Variants in CYP2C19 observed in about 807,000 individuals in gnomAD.
CYP2C19 encodes cytochrome P450 2C19.
A neutral mutation model predicts 40.9 loss-of-function variants in CYP2C19; 59 were observed. The ratio of observed to expected loss-of-function variants is 1.44; its 90% CI spans 1.17 to 1.79. CYP2C19 has a LOEUF of 1.79. Among genes scored for constraint, CYP2C19 ranks in the 40% most tolerant of loss-of-function variants. CYP2C19 has a pLI of 0.00. For synonymous variants in CYP2C19, 253 were observed against 208.7 expected (o/e 1.21, Z -1.83); for missense variants, 754 against 596.9 (o/e 1.26, Z -2.74).
intron 5 of CYP2C19, among the ~76,000 whole-genome samples, chr10:94,812,266 C>A (rs901991842): frequency 1.3e-5 from 2 of 152,184 alleles, no homozygotes; most frequent in South Asian, 4.1e-4. Context: ...ACAGGCTTCC[C>A]TTGGTGGTAA....
chr10:94,775,136 G>A lies in CYP2C19; in HGVS notation c.247G>A (p.Val83Met). ...GGTGGTGCTGCATGGATATGAAGTG[G>A]TGAAGGAAGCCCTGATTGATCTTGG... is the stretch of plus-strand genomic sequence containing the variant. ...RMVVLHGYEV[V>M]KEALIDLGEE... The change falls in exon 2 of 9, where the codon GTG becomes ATG. Residue 83 changes from valine (V) to methionine (M), a missense_variant. Physicochemically the swap from Val to Met is conservative, Grantham distance 21 (BLOSUM62 1). Coordinates refer to ENST00000371321, the MANE Select transcript of CYP2C19 (RefSeq NM_000769.4). 6.2e-7 allele frequency: 1 copy of A among 1,614,120 alleles called. No individual in the cohort carries two copies. The highest frequency in any genetic ancestry group is 1.7e-5 in the Admixed American group (1 of 60,028).
chr10:94,768,444 T>C lies in CYP2C19; in HGVS notation c.168+5571T>C, dbSNP rs747469074. Among the ~76,000 whole-genome samples, 60 of 152,314 alleles carry C rather than the reference T, an allele frequency of 3.9e-4. 1 individual carries two copies. Among genetic ancestry groups the C allele is most frequent in the South Asian group, 6.2e-4 (3 of 4,828 alleles). On this transcript the variant is annotated intron_variant, in intron 1 of 8. Transcript: ENST00000371321. ...GACTATAATTTGTTGGCAGTCATGA[T>C]ACCTTGGTTCCCCATCCTCTGGGAG...
At chr10:94,787,444 T>A (rs1344631142) in intron 5 of CYP2C19, among the ~76,000 whole-genome samples, 1 of 152,100 alleles carries the variant, frequency 6.6e-6, no homozygotes, top group Non-Finnish European at 1.5e-5. Context: ...ATTCTGTAGG[T>A]TGTCTGTTTA....
At chr10:94,847,061 TTTTATTTA>T (rs951776021) in intron 7 of CYP2C19, among the ~76,000 whole-genome samples, 1 of 151,372 alleles carries the variant, frequency 6.6e-6, no homozygotes, top group African/African-American at 2.4e-5. Context: ...TTCAACTTTA[TTTTATTTA>T]TTTATTTATT....
At chr10:94,797,009 C>T (rs180839574) in intron 5 of CYP2C19, among the ~76,000 whole-genome samples, 10 of 152,136 alleles carry the variant, frequency 6.6e-5, no homozygotes, top group Admixed American at 2.6e-4. Flanking sequence ...ATTGCCCCGG[C>T]GAGAACTTCC....
rs985193343 is a variant in CYP2C19, at chr10:94,814,018, C to T, written c.820-6478C>T. ...TTCTTCACAGCACATTCCCTCAAGG[C>T]TTTCCTTGGCTATGGGAGGGAGTTC... is the stretch of plus-strand genomic sequence containing the variant. On this transcript the variant is annotated intron_variant, in intron 5 of 8. Transcript: ENST00000371321. Among the ~76,000 whole-genome samples, 8 of 150,914 alleles carry T rather than the reference C, an allele frequency of 5.3e-5. No homozygotes were observed. In the East Asian group the frequency reaches 1.6e-3, roughly 30 times the overall value.
intron 5 of CYP2C19, among the ~76,000 whole-genome samples, chr10:94,808,670 A>C (rs1848870208): frequency 6.6e-6 from 1 of 152,180 alleles, no homozygotes; most frequent in African/African-American, 2.4e-5. Context: ...CCCACAAATA[A>C]GTGAGAACAT....
chr10:94,787,965 C>G (rs760549242), intron 5 of CYP2C19, among the ~76,000 whole-genome samples: 11 of 152,018 alleles, frequency 7.2e-5, no homozygotes, highest in Non-Finnish European at 1.3e-4. Flanking sequence ...GGCAGTCTAG[C>G]CATTTTAATG....
chr10:94,775,780 A>G (rs1848399930), intron 3 of CYP2C19: 3 of 594,070 alleles, frequency 5.0e-6, no homozygotes, highest in South Asian at 5.1e-5. Context: ...GTTCTCCTGA[A>G]CTTTGCTTCT....
At chr10:94,828,217 T>C (rs964454426) in intron 6 of CYP2C19, among the ~76,000 whole-genome samples, 1 of 151,954 alleles carries the variant, frequency 6.6e-6, no homozygotes, top group Admixed American at 6.6e-5. Context: ...CTGGGTATCC[T>C]TGTTGACTTT....
chr10:94,771,084 C>A (rs1848323341), intron 1 of CYP2C19, among the ~76,000 whole-genome samples: 2 of 152,082 alleles, frequency 1.3e-5, no homozygotes. Flanking sequence ...CATCTATGTA[C>A]CTATCAGGAT....
At chr10:94,820,678 A>G in intron 6 of CYP2C19, 41 bp downstream of exon 6, 13 of 1,613,266 alleles carry the variant, frequency 8.1e-6, no homozygotes, top group Non-Finnish European at 1.1e-5. Flanking sequence ...TTTAGGAAAG[A>G]TGTTGGGAAG....
At chr10:94,770,061 C>A (rs1002277639) in intron 1 of CYP2C19, among the ~76,000 whole-genome samples, 1 of 152,092 alleles carries the variant, frequency 6.6e-6, no homozygotes, top group African/African-American at 2.4e-5. Context: ...CCTTGAGGAC[C>A]GTCATCCAGG....
intron 1 of CYP2C19, among the ~76,000 whole-genome samples, chr10:94,773,115 T>A (rs746961008): frequency 6.6e-6 from 1 of 152,146 alleles, no homozygotes; most frequent in Non-Finnish European, 1.5e-5. Context: ...AGGTGCCCAG[T>A]ATTTAGCCCC....
At chr10:94,839,445 C>T (rs190791905) in intron 6 of CYP2C19, among the ~76,000 whole-genome samples, 133 of 152,308 alleles carry the variant, frequency 8.7e-4, no homozygotes, top group African/African-American at 3.0e-3. Flanking sequence ...TCTAGTGGTC[C>T]TTTACCAGCA....
intron 1 of CYP2C19, chr10:94,773,712 T>C (rs1848366914): frequency 6.6e-6 from 1 of 152,282 alleles, no homozygotes; most frequent in Non-Finnish European, 1.5e-5. Context: ...TTGCTGGCTT[T>C]GGGAGAAAAG....
intron 5 of CYP2C19, among the ~76,000 whole-genome samples, chr10:94,782,524 A>C (rs1186787899): frequency 1.3e-5 from 2 of 152,208 alleles, no homozygotes; most frequent in East Asian, 3.8e-4. Flanking sequence ...AGCGTAAATT[A>C]GTTCAATCAT....
chr10:94,796,182 G>A (rs1232937173), intron 5 of CYP2C19, among the ~76,000 whole-genome samples: 3 of 152,240 alleles, frequency 2.0e-5, no homozygotes, highest in Middle Eastern at 3.4e-3. Context: ...TGTATAAGGT[G>A]TAAGGAAGGG....
In CYP2C19 at chr10:94,853,141, C is replaced by T. The variant is rs1025245798; in HGVS notation, c.*227C>T. On this transcript the variant is annotated 3_prime_UTR_variant, in exon 9 of 9. Transcript: ENST00000371321. The stretch of plus-strand genomic sequence containing the variant: ...CATTGAGTGCCACATAATGCTGATA[C>T]TTGTCTAATGTTGAGTTATTAACAT... 2.4e-5 allele frequency: 13 copies of T among 546,538 alleles called. No homozygotes were observed. Among genetic ancestry groups the T allele is most frequent in the South Asian group, 4.9e-5 (2 of 40,948 alleles). The allele number at this position is 546,538 out of a possible 1,614,324, so 33.9% of individuals were successfully genotyped here. A position where few individuals can be genotyped will look rare whatever the true frequency, so the allele number is the denominator to read the frequency against.
Sources: gnomAD v4.1 joint callset for allele counts (sites outside exome capture counted in the v4.1 genomes callset) on GRCh38, gnomAD v4.1.1 for gene constraint, MANE v1.5 for transcripts, NCBI Gene and HGNC (gene_info 2026-07-23, HGNC 2026-07-21) for gene names.